PACC1: variants seen among roughly 807,000 people sequenced by gnomAD.
PACC1 encodes the protein proton-activated chloride channel.
Under a neutral mutation model 39.7 loss-of-function variants are expected in PACC1, and 34 were observed. That is an observed-to-expected ratio of 0.86 (90% CI 0.65 to 1.14). PACC1 has a LOEUF of 1.14. Ranked by LOEUF, PACC1 falls within the 50% of genes most tolerant of loss-of-function variation. PACC1 has a pLI of 0.00. For synonymous variants in PACC1, 127 were observed against 160.6 expected (o/e 0.79, Z 1.58); for missense variants, 379 against 436.4 (o/e 0.87, Z 1.17).
chr1:212,383,361 G>A (rs1660975784), intron 4 of PACC1, among the ~76,000 whole-genome samples: 1 of 152,198 alleles, frequency 6.6e-6, no homozygotes, highest in South Asian at 2.1e-4. Context: ...GGAGAGGAGG[G>A]CATCCAGAGA....
intron 4 of PACC1, among the ~76,000 whole-genome samples, chr1:212,381,265 A>C (rs1660869524): frequency 6.6e-6 from 1 of 152,176 alleles, no homozygotes; most frequent in Non-Finnish European, 1.5e-5. Context: ...CTTAGTGGAG[A>C]GTATGGAGTT....
intron 2 of PACC1, among the ~76,000 whole-genome samples, chr1:212,403,650 C>T (rs1388582429): frequency 6.6e-6 from 1 of 152,060 alleles, no homozygotes; most frequent in Non-Finnish European, 1.5e-5. Flanking sequence ...CTGCAACCTC[C>T]GCCTCCTGGG....
chr1:212,385,123 C>A lies in PACC1; in HGVS notation c.495+151G>T. 3.5e-6 allele frequency: 3 copies of A among 849,756 alleles called. No individual in the cohort carries two copies. In the South Asian group the frequency reaches 5.1e-5, roughly 15 times the overall value. The allele number at this position is 849,756 out of a possible 1,614,324, so 52.6% of individuals were successfully genotyped here. A position where few individuals can be genotyped will look rare whatever the true frequency, so the allele number is the denominator to read the frequency against. ...AAGTGAGCCAACCACAGCCAAGTGT[C>A]CACATGGCACAGCCGCATGTCTCCT... On this transcript the variant is annotated intron_variant, in intron 4 of 7. Transcript: ENST00000261455.
At chr1:212,405,967 C>T (rs996853242) in intron 2 of PACC1, among the ~76,000 whole-genome samples, 2 of 151,754 alleles carry the variant, frequency 1.3e-5, no homozygotes, top group African/African-American at 4.8e-5. Flanking sequence ...CACTGCATGA[C>T]CTTGTCTCTA....
At chr1:212,390,107 T>C (rs1015284600) in intron 2 of PACC1, among the ~76,000 whole-genome samples, 1 of 151,596 alleles carries the variant, frequency 6.6e-6, no homozygotes, top group African/African-American at 2.4e-5. Context: ...GACATGTAAC[T>C]GGAGACAGAA....
At position 212,363,931 on chromosome 1, in the gene PACC1, C is replaced by A. The variant is rs147341708; in HGVS notation, c.*1284G>T. The A allele has an allele frequency of 1.3e-5, 2 of 152,244 alleles. No homozygotes were observed. Among genetic ancestry groups the A allele is most frequent in the East Asian group, 3.9e-4 (2 of 5,172 alleles). The allele number at this position is 152,244 out of a possible 1,614,324, so 9.4% of individuals were successfully genotyped here. ...AGCAGAAAAGTGGCAGGGAATATTT[C>A]TTTATACAGTTCACTTTTAATCATT... On this transcript the variant is annotated 3_prime_UTR_variant, in exon 8 of 8. Coordinates refer to ENST00000261455, the MANE Select transcript of PACC1 (RefSeq NM_018252.3).
At chr1:212,392,504 C>A (rs1661359873) in intron 2 of PACC1, among the ~76,000 whole-genome samples, 2 of 152,166 alleles carry the variant, frequency 1.3e-5, no homozygotes, top group Admixed American at 6.5e-5. Context: ...ATTGTAAAGA[C>A]CATCAATGCT....
At chr1:212,404,279 T>C (rs1262724018) in intron 2 of PACC1, among the ~76,000 whole-genome samples, 3 of 151,922 alleles carry the variant, frequency 2.0e-5, no homozygotes, top group Non-Finnish European at 4.4e-5. Context: ...GCTAATTTTT[T>C]GTATTTTTAG....
chr1:212,379,655 CAGCCAGCACTATGTGCATGGAG>C (rs1407919079), intron 5 of PACC1, among the ~76,000 whole-genome samples: 2 of 152,188 alleles, frequency 1.3e-5, no homozygotes, highest in Admixed American at 6.5e-5. Flanking sequence ...TCTCTAGAAC[CAGCCAGCACTATGTGCATGGAG>C]AGCCAGCATG....
At chr1:212,382,166 G>A (rs1310583171) in intron 4 of PACC1, among the ~76,000 whole-genome samples, 1 of 151,946 alleles carries the variant, frequency 6.6e-6, no homozygotes, top group East Asian at 1.9e-4. Context: ...GCCCTCCCAA[G>A]TAGCTGGGAC....
At chr1:212,414,170 G>A in intron 1 of PACC1, 1 of 1,369,944 alleles carries the variant, frequency 7.3e-7, no homozygotes, top group South Asian at 1.5e-5. Context: ...GAAGAGGAGC[G>A]AGAACTAGCA....
intron 4 of PACC1, among the ~76,000 whole-genome samples, chr1:212,381,567 G>C (rs755589935): frequency 2.0e-5 from 3 of 152,008 alleles, no homozygotes; most frequent in African/African-American, 7.3e-5. Flanking sequence ...ATGTAGCCAC[G>C]TGATAAAGTT....
At chr1:212,398,118 A>G (rs1661587406) in intron 2 of PACC1, among the ~76,000 whole-genome samples, 1 of 152,256 alleles carries the variant, frequency 6.6e-6, no homozygotes, top group South Asian at 2.1e-4. Flanking sequence ...GGTACCAAAG[A>G]AACAGAATGT....
intron 4 of PACC1, among the ~76,000 whole-genome samples, chr1:212,383,833 T>C (rs950914266): frequency 7.4e-5 from 11 of 149,214 alleles, no homozygotes; most frequent in Non-Finnish European, 1.5e-4. Context: ...ATTGTAGAAG[T>C]CTGCTCTGTT....
At chr1:212,408,463 C>A (rs969448882) in intron 2 of PACC1, among the ~76,000 whole-genome samples, 1 of 151,864 alleles carries the variant, frequency 6.6e-6, no homozygotes, top group South Asian at 2.1e-4. Flanking sequence ...TGGGTTCAAG[C>A]GATTCTCCTG....
In PACC1 at chr1:212,385,624, C is replaced by T. The variant is rs1661074740; in HGVS notation, c.344-199G>A. Among the ~76,000 whole-genome samples the T allele has an allele frequency of 2.0e-5, 3 of 152,110 alleles. No individual in the cohort carries two copies. In the South Asian group the frequency reaches 6.2e-4, roughly 32 times the overall value. ...CCCGCTGTAGCAGAGGGCACAAGCC[C>T]CTCCTCAGTAAGCCCCTGGCCAACC... On this transcript the variant is annotated intron_variant, in intron 3 of 7. Transcript: ENST00000261455.
At chr1:212,370,682 G>A (rs1263450313) in intron 7 of PACC1, among the ~76,000 whole-genome samples, 1 of 152,164 alleles carries the variant, frequency 6.6e-6, no homozygotes, top group East Asian at 1.9e-4. Flanking sequence ...TAAACATGAT[G>A]CTCCTTAGTG....
chr1:212,387,490 C>T, intron 2 of PACC1: 1 of 204,638 alleles, frequency 4.9e-6, no homozygotes, highest in Non-Finnish European at 1.0e-5. Flanking sequence ...CCCAACCTAC[C>T]TCTCTGGCCT....
intron 3 of PACC1, 114 bp from the exon 4 acceptor site, chr1:212,385,539 G>C (rs1323961208): frequency 1.7e-6 from 2 of 1,152,620 alleles, no homozygotes; most frequent in Non-Finnish European, 2.5e-6. Flanking sequence ...AGGACTGCAG[G>C]GAAGGGAGAA....
Sources: allele counts gnomAD v4.1 joint callset (sites outside exome capture counted in the v4.1 genomes callset), GRCh38; gene constraint gnomAD v4.1.1; transcripts MANE v1.5; gene names NCBI Gene and HGNC (gene_info 2026-07-23, HGNC 2026-07-21).